The following PLIN3 variants were observed in gnomAD, a reference collection of about 807,000 sequenced individuals.
PLIN3 encodes perilipin 3, also known as perilipin-3.
Under a neutral mutation model 35.9 loss-of-function variants are expected in PLIN3, and 30 were observed. The observed-to-expected ratio is 0.84, with a 90% CI of 0.62 to 1.13. The LOEUF is 1.13. Ranked by LOEUF, PLIN3 falls within the 50% of genes most tolerant of loss-of-function variation. PLIN3 has a pLI of 0.00. For missense variants in PLIN3, 603 were observed against 596.9 expected, an observed-to-expected ratio of 1.01 and a Z score of -0.11; for synonymous variants, 261 against 262.5, an observed-to-expected ratio of 0.99 and a Z score of 0.06.
intron 7 of PLIN3, among the ~76,000 whole-genome samples, chr19:4,840,000 C>CTCTGTTGCCCAGGTTGGCGTGCAG: frequency 7.7e-6 from 1 of 130,182 alleles, no homozygotes; most frequent in African/African-American, 3.0e-5. Context: ...TAGAGTCTTG[C>CTCTGTTGCCCAGGTTGGCGTGCAG]TCTGTTGCCC....
intron 5 of PLIN3, 141 bp downstream of exon 5, chr19:4,851,875 T>A: frequency 2.3e-6 from 2 of 851,742 alleles, no homozygotes; most frequent in Non-Finnish European, 3.6e-6. Flanking sequence ...ACTGCGTTAG[T>A]GATGAGATTC....
intron 1 of PLIN3, 141 bp from the exon 2 acceptor site, chr19:4,861,552 A>G (rs2030676851): frequency 8.1e-6 from 5 of 616,660 alleles, no homozygotes; most frequent in Non-Finnish European, 1.5e-5. Context: ...AGCAGGCACA[A>G]GAGTGACCTC....
intron 1 of PLIN3, chr19:4,867,102 C>G (rs1378836728): frequency 6.6e-6 from 1 of 152,322 alleles, no homozygotes; most frequent in Non-Finnish European, 1.5e-5. Context: ...TGCCCAAGAC[C>G]TCCCCAGAAT....
chr19:4,858,543 A>G (rs950105045), intron 4 of PLIN3, among the ~76,000 whole-genome samples: 1 of 149,754 alleles, frequency 6.7e-6, no homozygotes, highest in African/African-American at 2.5e-5. Flanking sequence ...ACGCCAAGCT[A>G]ATTTTTTTTT....
intron 1 of PLIN3, 33 bp from the exon 2 acceptor site, chr19:4,861,444 C>T: frequency 6.8e-7 from 1 of 1,468,574 alleles, no homozygotes; most frequent in South Asian, 1.1e-5. Flanking sequence ...GTACAGCCTG[C>T]CTGGCCCCAC....
chr19:4,864,606 C>T (rs2030790015), intron 1 of PLIN3, among the ~76,000 whole-genome samples: 1 of 151,894 alleles, frequency 6.6e-6, no homozygotes, highest in Non-Finnish European at 1.5e-5. Flanking sequence ...TGTGAGCCAC[C>T]GCACCCAGCC....
At chr19:4,843,981 GT>G (rs2029996639) in intron 7 of PLIN3, among the ~76,000 whole-genome samples, 1 of 152,278 alleles carries the variant, frequency 6.6e-6, no homozygotes, top group South Asian at 2.1e-4. Context: ...GACATTTTCT[GT>G]TTTTTGAGAC....
intron 1 of PLIN3, chr19:4,866,608 A>AAGTC (rs2030867123): frequency 6.6e-6 from 1 of 152,204 alleles, no homozygotes; most frequent in Admixed American, 6.6e-5. Flanking sequence ...CCCAACTGGG[A>AAGTC]AGTCAGGTGA....
At chr19:4,841,642 T>G (rs968365686) in intron 7 of PLIN3, among the ~76,000 whole-genome samples, 7 of 149,042 alleles carry the variant, frequency 4.7e-5, no homozygotes, top group Admixed American at 1.3e-4. Flanking sequence ...GGCTCACCCC[T>G]GTAATCCCCA....
intron 5 of PLIN3, among the ~76,000 whole-genome samples, chr19:4,851,147 G>C (rs955331021): frequency 6.6e-6 from 1 of 152,054 alleles, no homozygotes; most frequent in Non-Finnish European, 1.5e-5. Context: ...CTGGGCAAGA[G>C]AGTGAGACTC....
chr19:4,843,275 G>C (rs1432401391), intron 7 of PLIN3, among the ~76,000 whole-genome samples: 1 of 151,184 alleles, frequency 6.6e-6, no homozygotes, highest in African/African-American at 2.4e-5. Flanking sequence ...GGGAGGCCGA[G>C]GCGGGCGGAT....
At chr19:4,857,589 T>A (rs1163544303) in intron 4 of PLIN3, among the ~76,000 whole-genome samples, 2 of 152,064 alleles carry the variant, frequency 1.3e-5, no homozygotes, top group Admixed American at 1.3e-4. Context: ...TTTTTTTTTT[T>A]AATGTTAAGA....
chr19:4,867,133 T>TG (rs2030883735), intron 1 of PLIN3: 1 of 152,214 alleles, frequency 6.6e-6, no homozygotes, highest in Non-Finnish European at 1.5e-5. Flanking sequence ...CGCCAGGAGC[T>TG]GGGGCAACCC....
chr19:4,851,925 G>C (rs2030303897), intron 5 of PLIN3, 91 bp downstream of exon 5: 1 of 1,340,522 alleles, frequency 7.5e-7, no homozygotes, highest in Non-Finnish European at 1.0e-6. Context: ...AGGCGGCAGT[G>C]AGTGTCGGCA....
At chr19:4,858,674 G>A (rs182376814) in intron 4 of PLIN3, among the ~76,000 whole-genome samples, 1 of 145,866 alleles carries the variant, frequency 6.9e-6, no homozygotes. Context: ...GAGCCACCGC[G>A]CCTGGCCAGA....
At position 4,852,250 on chromosome 19, in the gene PLIN3, C is replaced by T. The variant is rs1339374495; in HGVS notation, c.400G>A (p.Glu134Lys). The T allele has an allele frequency of 6.2e-7, 1 of 1,607,744 alleles. No individual in the cohort carries two copies. Among genetic ancestry groups the T allele is most frequent in the African/African-American group, 1.3e-5 (1 of 75,056 alleles). ...LVSSKVSGAQ[E>K]MVSSAKDTVA... ...GTGTCCTTGGCGCTAGACACCATCT[C>T]TTGGGCCCCCGACACCTTAGACGAC... Residue 134 changes from glutamate (E) to lysine (K), a missense_variant, in exon 5 of 8, where the codon GAG becomes AAG. By Grantham distance (56) the Glu-to-Lys change is moderately conservative (BLOSUM62 1). Coordinates refer to ENST00000221957, the MANE Select transcript of PLIN3 (RefSeq NM_005817.5).
At chr19:4,858,134 G>C (rs969669845) in intron 4 of PLIN3, among the ~76,000 whole-genome samples, 1 of 151,172 alleles carries the variant, frequency 6.6e-6, no homozygotes. Flanking sequence ...TTAGCTAGGC[G>C]TGGTGGCAGA....
chr19:4,859,873 G>A lies in PLIN3; in HGVS notation c.218C>T (p.Ala73Val), dbSNP rs1283960454. The A allele has an allele frequency of 1.9e-6, 3 of 1,613,410 alleles. No individual in the cohort carries two copies. In the South Asian group the frequency reaches 3.3e-5, roughly 18 times the overall value. ...AEKGVRTLTA[A>V]AVSGAQPILS... ...GATCGGCTGAGCCCCGCTGACAGCA[G>A]CCGCCGTGAGGGTCCTCACTCCCTT... The change falls in exon 3 of 8, where the codon GCT becomes GTT. Residue 73 changes from alanine to valine, a missense_variant. Transcript: ENST00000221957.
intron 4 of PLIN3, among the ~76,000 whole-genome samples, chr19:4,856,356 C>T (rs1020020863): frequency 5.3e-5 from 8 of 151,922 alleles, no homozygotes; most frequent in Admixed American, 3.9e-4. Context: ...GTTGGGAGTT[C>T]GAGACCAGCC....
Sources: allele counts gnomAD v4.1 joint callset (sites outside exome capture counted in the v4.1 genomes callset), GRCh38; gene constraint gnomAD v4.1.1; transcripts MANE v1.5; gene names NCBI Gene and HGNC (gene_info 2026-07-23, HGNC 2026-07-21).